The following OPCML variants were observed in gnomAD, a reference collection of about 807,000 sequenced individuals.
OPCML encodes the protein opioid binding protein/cell adhesion molecule like, also known as opioid-binding protein/cell adhesion molecule.
OPCML carries 13 observed loss-of-function variants against 37.8 expected under a neutral mutation model. That is an observed-to-expected ratio of 0.34 (90% CI 0.22 to 0.55). The LOEUF is 0.55. OPCML is among the 20% of genes least tolerant of loss of function. OPCML has a pLI of 0.91. For missense variants in OPCML, 341 were observed against 435.6 expected, an observed-to-expected ratio of 0.78 and a Z score of 1.93; for synonymous variants, 176 against 168.8, an observed-to-expected ratio of 1.04 and a Z score of -0.33.
At chr11:133,447,281 G>A (rs1281084834) in intron 1 of OPCML, among the ~76,000 whole-genome samples, 1 of 152,122 alleles carries the variant, frequency 6.6e-6, no homozygotes, top group Non-Finnish European at 1.5e-5. Context: ...AAATAATAAT[G>A]TTAAGCATCT....
intron 1 of OPCML, among the ~76,000 whole-genome samples, chr11:133,191,494 TGTGTGTGTGG>T (rs1346113537): frequency 2.6e-5 from 3 of 113,880 alleles, no homozygotes; most frequent in Non-Finnish European, 5.5e-5. Flanking sequence ...TTTTCTTTTC[TGTGTGTGTGG>T]GTGTGTGTGT....
chr11:132,583,678 G>A (rs10454492), intron 3 of OPCML, among the ~76,000 whole-genome samples: 3,552 of 151,972 alleles, frequency 0.023, 64 homozygotes, highest in Middle Eastern at 0.066. Context: ...GTGTAATGGC[G>A]CAAACTCAGC....
At chr11:133,351,105 A>C (rs549410615) in intron 1 of OPCML, among the ~76,000 whole-genome samples, 1 of 152,240 alleles carries the variant, frequency 6.6e-6, no homozygotes, top group African/African-American at 2.4e-5. Context: ...GTTACAAAGC[A>C]GGACCACAAA....
chr11:133,522,824 A>G (rs1308569966), intron 1 of OPCML, among the ~76,000 whole-genome samples: 2 of 152,176 alleles, frequency 1.3e-5, no homozygotes, highest in Non-Finnish European at 2.9e-5. Flanking sequence ...ACAATTTCCA[A>G]GGTCCCTTTT....
chr11:132,687,592 C>G (rs1943222898), intron 2 of OPCML, among the ~76,000 whole-genome samples: 1 of 151,230 alleles, frequency 6.6e-6, no homozygotes, highest in South Asian at 2.1e-4. Flanking sequence ...TTTAATCCCT[C>G]AAATACTCAG....
At chr11:133,510,303 G>T (rs1020833296) in intron 1 of OPCML, among the ~76,000 whole-genome samples, 1 of 152,232 alleles carries the variant, frequency 6.6e-6, no homozygotes, top group Non-Finnish European at 1.5e-5. Context: ...CAAGATGGAA[G>T]AGGGTATAGG....
intron 1 of OPCML, among the ~76,000 whole-genome samples, chr11:133,458,863 A>C (rs1268144908): frequency 2.8e-5 from 4 of 143,370 alleles, no homozygotes; most frequent in African/African-American, 9.0e-5. Context: ...GTGTGTGTAT[A>C]TATACACACA....
intron 1 of OPCML, among the ~76,000 whole-genome samples, chr11:133,323,802 G>C (rs1316421895): frequency 6.6e-6 from 1 of 152,192 alleles, no homozygotes; most frequent in South Asian, 2.1e-4. Context: ...TGGTAAGGTG[G>C]GGCATGCTCC....
intron 1 of OPCML, among the ~76,000 whole-genome samples, chr11:133,238,448 TTAAA>T (rs1241895195): frequency 1.3e-4 from 20 of 152,258 alleles, no homozygotes; most frequent in African/African-American, 4.8e-4. Context: ...CTCTATTGGC[TTAAA>T]TAAATTATTC....
intron 1 of OPCML, chr11:133,419,228 TA>T: frequency 1.0e-6 from 1 of 985,260 alleles, no homozygotes; most frequent in South Asian, 4.7e-5. Flanking sequence ...GTGAGGTAAT[TA>T]CAGTCATAGT....
At chr11:132,653,671 C>G (rs189978999) in intron 3 of OPCML, among the ~76,000 whole-genome samples, 194 of 152,306 alleles carry the variant, frequency 1.3e-3, no homozygotes, top group African/African-American at 4.5e-3. Context: ...GTGGCAAAGG[C>G]TGCCTTCTAC....
At chr11:133,484,990 A>G (rs1464741363) in intron 1 of OPCML, among the ~76,000 whole-genome samples, 1 of 152,134 alleles carries the variant, frequency 6.6e-6, no homozygotes, top group Non-Finnish European at 1.5e-5. Context: ...CAAATATTAT[A>G]TGAAATTTTG....
chr11:132,674,697 T>TA (rs1167002603), intron 2 of OPCML, among the ~76,000 whole-genome samples: 1 of 152,162 alleles, frequency 6.6e-6, no homozygotes, highest in Non-Finnish European at 1.5e-5. Flanking sequence ...TTTTTCACAT[T>TA]ATATAAGTGA....
intron 3 of OPCML, among the ~76,000 whole-genome samples, chr11:132,598,010 A>G (rs1318290638): frequency 1.3e-5 from 2 of 152,056 alleles, no homozygotes; most frequent in Non-Finnish European, 2.9e-5. Context: ...CCCAGTTAAA[A>G]GGTCATATCT....
Position 132,462,887 on chromosome 11 carries a change from G to A in OPCML, c.506-25528C>T, listed in dbSNP as rs535903536. ...TGAAGGTCAGACATGGAGAGGGACA[G>A]GGGTAGCAAGGATGAACAAATACCC... On this transcript the variant is annotated intron_variant, in intron 4 of 7. Coordinates refer to ENST00000524381, the MANE Select transcript of OPCML (RefSeq NM_001012393.5). Among the ~76,000 whole-genome samples the A allele has an allele frequency of 8.9e-4, 136 of 152,308 alleles. 2 individuals are homozygous for A. The highest frequency in any genetic ancestry group is 2.8e-3 in the African/African-American group (118 of 41,582).
intron 1 of OPCML, among the ~76,000 whole-genome samples, chr11:133,524,182 A>G (rs2120721264): frequency 6.6e-6 from 1 of 152,362 alleles, no homozygotes; most frequent in East Asian, 1.9e-4. Context: ...GTATTCAGAG[A>G]TGAATAAGTC....
intron 1 of OPCML, among the ~76,000 whole-genome samples, chr11:132,946,527 G>T (rs1945748140): frequency 6.6e-6 from 1 of 152,150 alleles, no homozygotes; most frequent in Non-Finnish European, 1.5e-5. Flanking sequence ...CATTAAGATG[G>T]CTACAGTGTC....
intron 1 of OPCML, among the ~76,000 whole-genome samples, chr11:133,035,215 C>A (rs1374024485): frequency 6.6e-6 from 1 of 152,182 alleles, no homozygotes; most frequent in Admixed American, 6.5e-5. Context: ...CGGCTTGCCA[C>A]CCTATCTGTC....
chr11:132,529,980 C>G (rs1287132818), intron 3 of OPCML, among the ~76,000 whole-genome samples: 1 of 152,158 alleles, frequency 6.6e-6, no homozygotes, highest in African/African-American at 2.4e-5. Context: ...GCTACATGAC[C>G]GTTAGCAAGG....
Sources: allele counts gnomAD v4.1 joint callset (sites outside exome capture counted in the v4.1 genomes callset), GRCh38; gene constraint gnomAD v4.1.1; transcripts MANE v1.5; gene names NCBI Gene and HGNC (gene_info 2026-07-23, HGNC 2026-07-21).